Variants in GFRA1 observed in about 807,000 individuals in gnomAD.
GFRA1 encodes the protein GDNF family receptor alpha 1.
GFRA1 carries 16 observed loss-of-function variants against 51.6 expected under a neutral mutation model. The ratio of observed to expected loss-of-function variants is 0.31; its 90% confidence interval spans 0.21 to 0.47. The LOEUF is 0.47. GFRA1 is among the 20% of genes least tolerant of loss of function. GFRA1 has a pLI of 1.00. For synonymous variants in GFRA1, 270 were observed against 241.3 expected, an observed-to-expected ratio of 1.12 and a Z score of -1.10; for missense variants, 530 against 594.3, an observed-to-expected ratio of 0.89 and a Z score of 1.13.
At chr10:116,221,408 G>A (rs770859602) in intron 4 of GFRA1, among the ~76,000 whole-genome samples, 1 of 152,176 alleles carries the variant, frequency 6.6e-6, no homozygotes, top group African/African-American at 2.4e-5. Flanking sequence ...ACCCCAGAGA[G>A]AGAAGAGAAT....
At chr10:116,228,980 CAAAAAAAAAAAA>C (rs57618028) in intron 4 of GFRA1, among the ~76,000 whole-genome samples, 64 of 52,888 alleles carry the variant, frequency 1.2e-3, no homozygotes, top group Admixed American at 4.5e-3. Flanking sequence ...TACTCCATCT[CAAAAAAAAAAAA>C]AAAAAAAAAA....
Position 116,118,299 on chromosome 10 carries a change from C to T in GFRA1, c.770+6922G>A, listed in dbSNP as rs186318233. ...AACTTGATCGCAGCCACTATCTCTA[C>T]CACTCCAACTCTGCCTCCATGTTGC... is the stretch of plus-strand genomic sequence containing the variant. On this transcript the variant is annotated intron_variant, in intron 6 of 10. Coordinates refer to ENST00000355422, the MANE Select transcript of GFRA1 (RefSeq NM_005264.8). 2.4e-3 allele frequency among the ~76,000 whole-genome samples: 372 copies of T among 152,294 alleles called. 1 individual carries two copies. Among genetic ancestry groups the T allele is most frequent in the African/African-American group, 8.6e-3 (357 of 41,560 alleles).
intron 8 of GFRA1, among the ~76,000 whole-genome samples, chr10:116,090,433 A>T (rs1200958269): frequency 1.4e-4 from 3 of 20,792 alleles, no homozygotes; most frequent in Non-Finnish European, 2.2e-4. Context: ...CAGTTTCTTT[A>T]AAAAAAAAAA....
intron 8 of GFRA1, among the ~76,000 whole-genome samples, chr10:116,092,080 A>T (rs899488268): frequency 8.2e-5 from 11 of 134,810 alleles, no homozygotes; most frequent in Admixed American, 2.3e-4. Context: ...AAAAAGAGGA[A>T]ATATACATAC....
intron 9 of GFRA1, among the ~76,000 whole-genome samples, chr10:116,066,557 C>T (rs1485073707): frequency 2.6e-5 from 4 of 152,144 alleles, no homozygotes; most frequent in African/African-American, 9.7e-5. Context: ...TGAAAACTGA[C>T]CTGGTACAAC....
intron 4 of GFRA1, among the ~76,000 whole-genome samples, chr10:116,215,353 G>A (rs1451816038): frequency 4.6e-5 from 7 of 152,116 alleles, no homozygotes; most frequent in Admixed American, 6.6e-5. Flanking sequence ...CCTACCATTC[G>A]CTACCCTGGT....
At chr10:116,122,833 A>G (rs571129705) in intron 6 of GFRA1, among the ~76,000 whole-genome samples, 56 of 152,256 alleles carry the variant, frequency 3.7e-4, no homozygotes, top group African/African-American at 1.3e-3. Context: ...TCTACCCCAT[A>G]CAGCTTCCCA....
chr10:116,072,246 G>C (rs1392488466), intron 9 of GFRA1, among the ~76,000 whole-genome samples: 1 of 152,156 alleles, frequency 6.6e-6, no homozygotes, highest in African/African-American at 2.4e-5. Context: ...TGTTAAGCCT[G>C]CATCCCAACT....
chr10:116,096,000 C>G (rs1261909051), intron 7 of GFRA1, among the ~76,000 whole-genome samples: 2 of 152,264 alleles, frequency 1.3e-5, no homozygotes, highest in Admixed American at 6.5e-5. Context: ...TGCTTCCCTT[C>G]TGACTCTCAC....
intron 5 of GFRA1, among the ~76,000 whole-genome samples, chr10:116,211,357 G>T (rs1233149985): frequency 6.6e-6 from 1 of 152,118 alleles, no homozygotes; most frequent in Non-Finnish European, 1.5e-5. Context: ...TCCTTCCAGG[G>T]CCCAGCCACA....
intron 9 of GFRA1, among the ~76,000 whole-genome samples, chr10:116,073,542 G>T (rs1955493831): frequency 1.3e-5 from 2 of 152,168 alleles, no homozygotes; most frequent in African/African-American, 4.8e-5. Flanking sequence ...AAGACGTTTT[G>T]GTTTGGGGTG....
chr10:116,186,954 G>A (rs1003962924), intron 5 of GFRA1, among the ~76,000 whole-genome samples: 6 of 152,098 alleles, frequency 3.9e-5, no homozygotes, highest in African/African-American at 7.2e-5. Context: ...AAGGCGACCT[G>A]CTCACACAGG....
chr10:116,123,889 T>C (rs1407797886), intron 6 of GFRA1, among the ~76,000 whole-genome samples: 1 of 152,116 alleles, frequency 6.6e-6, no homozygotes, highest in Non-Finnish European at 1.5e-5. Context: ...ACGTCTATAT[T>C]GCTGTTTGTG....
chr10:116,064,097 C>CATCATCATGATCATT lies in GFRA1; in HGVS notation c.*300_*301insAATGATCATGATGAT. 3.8e-6 allele frequency: 1 copy of CATCATCATGATCATT among 259,820 alleles called. No individual in the cohort carries two copies. Among genetic ancestry groups the CATCATCATGATCATT allele is most frequent in the Non-Finnish European group, 7.2e-6 (1 of 139,522 alleles). 16.1% of individuals were successfully genotyped at this position (259,820 alleles called of 1,614,324 possible). A position where few individuals can be genotyped will look rare whatever the true frequency, so the allele number is the denominator to read the frequency against. ...TCATGATGATCATCATCATGATCAT[C>CATCATCATGATCATT]ATCATCATCGAAAACACAGCCCCAG... On this transcript the variant is annotated 3_prime_UTR_variant, in exon 11 of 11. Coordinates refer to ENST00000355422, the MANE Select transcript of GFRA1 (RefSeq NM_005264.8).
At chr10:116,117,077 T>C (rs933809556) in intron 6 of GFRA1, among the ~76,000 whole-genome samples, 3 of 152,192 alleles carry the variant, frequency 2.0e-5, no homozygotes, top group Admixed American at 6.5e-5. Flanking sequence ...CTGAGCTGAT[T>C]CCTACGTCCT....
At chr10:116,267,109 C>A (rs947510591) in intron 4 of GFRA1, among the ~76,000 whole-genome samples, 1 of 151,912 alleles carries the variant, frequency 6.6e-6, no homozygotes, top group Non-Finnish European at 1.5e-5. Flanking sequence ...CCACTGCACT[C>A]TAGCCTAGGC....
intron 4 of GFRA1, among the ~76,000 whole-genome samples, chr10:116,265,534 CA>C (rs1340183893): frequency 2.0e-5 from 3 of 151,938 alleles, no homozygotes; most frequent in Admixed American, 2.0e-4. Context: ...TCCAAGAGTC[CA>C]AAAAAAATTG....
At chr10:116,108,606 A>C (rs889227439) in intron 6 of GFRA1, among the ~76,000 whole-genome samples, 5 of 152,176 alleles carry the variant, frequency 3.3e-5, no homozygotes, top group Non-Finnish European at 7.3e-5. Flanking sequence ...ATTTTCTAAT[A>C]AACTGACCCC....
chr10:116,272,934 C>G lies in GFRA1; in HGVS notation c.-247+229G>C, dbSNP rs1336721094. The G allele has an allele frequency of 6.6e-6, 1 of 152,174 alleles. No homozygotes were observed. The highest frequency in any genetic ancestry group is 2.4e-5 in the African/African-American group (1 of 41,444). The allele number at this position is 152,174 out of a possible 1,614,324, so 9.4% of individuals were successfully genotyped here. On this transcript the variant is annotated intron_variant, in intron 1 of 10. Coordinates refer to ENST00000355422, the MANE Select transcript of GFRA1 (RefSeq NM_005264.8). The surrounding 1 kb of genome is among the most constrained non-coding windows in gnomAD (Gnocchi z 4.4). ...TCACACTCTCGCCCGGTGCCCAGGACTCGGGCGCTTCCGCACCCCAGCCCA... is the reference window on the plus strand; with the variant it reads ...TCACACTCTCGCCCGGTGCCCAGGAGTCGGGCGCTTCCGCACCCCAGCCCA...
Sources: gnomAD v4.1 joint callset for allele counts (sites outside exome capture counted in the v4.1 genomes callset) on GRCh38, gnomAD v4.1.1 for gene constraint, Gnocchi (gnomAD v3.1) non-coding constraint, MANE v1.5 for transcripts, NCBI Gene and HGNC (gene_info 2026-07-23, HGNC 2026-07-21) for gene names.